CECR2: variants seen among roughly 807,000 people sequenced by gnomAD.
CECR2 encodes the protein chromatin remodeling regulator CECR2.
CECR2 carries 30 observed loss-of-function variants against 154.5 expected under a neutral mutation model. The ratio of observed to expected loss-of-function variants is 0.19; its 90% confidence interval spans 0.15 to 0.26. CECR2 has a LOEUF of 0.26. CECR2 is among the 10% of genes least tolerant of loss of function. The pLI, the probability that CECR2 is intolerant of heterozygous loss-of-function variation, is 1.00. For missense variants in CECR2, 1,743 were observed against 1,829.3 expected (o/e 0.95, Z 0.86); for synonymous variants, 725 against 683.7 (o/e 1.06, Z -0.94).
At chr22:17,411,705 C>T (rs5747111) in intron 1 of CECR2, among the ~76,000 whole-genome samples, 82,490 of 151,952 alleles carry the variant, frequency 0.54, 22,832 homozygotes, top group African/African-American at 0.61. Context: ...TTTAAAACAG[C>T]ACCTTTCTCT....
chr22:17,440,069 TG>T (rs2054561287), intron 1 of CECR2, among the ~76,000 whole-genome samples: 1 of 120,280 alleles, frequency 8.3e-6, no homozygotes, highest in Admixed American at 8.3e-5. Flanking sequence ...ATGATTACAT[TG>T]AAAAAAAAAA....
At chr22:17,514,228 G>A (rs1246557092) in intron 8 of CECR2, among the ~76,000 whole-genome samples, 1 of 152,172 alleles carries the variant, frequency 6.6e-6, no homozygotes, top group Non-Finnish European at 1.5e-5. Flanking sequence ...TTTTTGTCCG[G>A]ACACTTTGGT....
chr22:17,394,622 G>T (rs1293823916), intron 1 of CECR2, among the ~76,000 whole-genome samples: 2 of 152,020 alleles, frequency 1.3e-5, no homozygotes, highest in East Asian at 3.9e-4. Flanking sequence ...TCCTTTTTCA[G>T]GATTATTTTG....
At chr22:17,381,998 C>G (rs1231329216) in intron 1 of CECR2, among the ~76,000 whole-genome samples, 1 of 151,964 alleles carries the variant, frequency 6.6e-6, no homozygotes, top group Non-Finnish European at 1.5e-5. Context: ...CCCCATTCTC[C>G]TGCCTCAGTC....
intron 1 of CECR2, among the ~76,000 whole-genome samples, chr22:17,458,727 GTTA>G (rs1480152471): frequency 1.3e-5 from 2 of 152,204 alleles, no homozygotes; most frequent in African/African-American, 2.4e-5. Flanking sequence ...AAGCTACAGG[GTTA>G]TTATTACCAA....
intron 9 of CECR2, 120 bp downstream of exon 9, chr22:17,524,391 T>A: frequency 5.5e-5 from 47 of 854,568 alleles, no homozygotes; most frequent in African/African-American, 1.4e-4. Context: ...CAATTTCTTT[T>A]TTTTTTTTTT....
chr22:17,456,157 T>C (rs1185314866), intron 1 of CECR2, among the ~76,000 whole-genome samples: 1 of 152,228 alleles, frequency 6.6e-6, no homozygotes. Context: ...TGCAACACAC[T>C]GAATAGTCTA....
At chr22:17,491,137 T>G (rs185209864) in intron 2 of CECR2, among the ~76,000 whole-genome samples, 48 of 152,358 alleles carry the variant, frequency 3.2e-4, no homozygotes, top group Admixed American at 2.9e-3. Context: ...GTACGCAGAT[T>G]TTAGCTTTTG....
At chr22:17,525,963 C>G (rs1156730271) in intron 9 of CECR2, among the ~76,000 whole-genome samples, 1 of 151,978 alleles carries the variant, frequency 6.6e-6, no homozygotes, top group Non-Finnish European at 1.5e-5. Flanking sequence ...AGTGAAAGAG[C>G]TCTATAATGA....
chr22:17,531,357 G>A (rs1425525710), intron 9 of CECR2, among the ~76,000 whole-genome samples: 1 of 152,220 alleles, frequency 6.6e-6, no homozygotes. Context: ...TCCATCCTAG[G>A]ATGAGTTGAA....
At chr22:17,428,955 T>C (rs942259990) in intron 1 of CECR2, among the ~76,000 whole-genome samples, 2 of 152,046 alleles carry the variant, frequency 1.3e-5, no homozygotes, top group East Asian at 3.8e-4. Context: ...GCTTGGTTGA[T>C]GATGGAGATA....
chr22:17,504,950 A>T lies in CECR2; in HGVS notation c.804A>T (p.Glu268Asp). 6.2e-7 allele frequency: 1 copy of T among 1,613,704 alleles called. No homozygotes were observed. Among genetic ancestry groups the T allele is most frequent in the Non-Finnish European group, 8.5e-7 (1 of 1,179,830 alleles). ...TTCGCGAGAGGACCTCCCTTCGAGA[A>T]CGGCAGCTCTACAAGCTCCTCAGTG... ...ESFRERTSLR[E>D]RQLYKLLSED... is the part of the protein sequence containing the mutation. The change falls in exon 7 of 19, where the codon GAA becomes GAT. Residue 268 changes from glutamate to aspartate, a missense_variant. By Grantham distance (45) the Glu-to-Asp change is conservative. Coordinates refer to ENST00000262608, the MANE Select transcript of CECR2 (RefSeq NM_001290047.2).
At chr22:17,431,799 T>G (rs2189077) in intron 1 of CECR2, among the ~76,000 whole-genome samples, 16 of 149,574 alleles carry the variant, frequency 1.1e-4, no homozygotes, top group Admixed American at 4.0e-4. Flanking sequence ...CGCGGCTTAT[T>G]GAGATATTCA....
At position 17,548,397 on chromosome 22, in the gene CECR2, A is replaced by G. The variant is rs1271768236; in HGVS notation, c.3110A>G (p.Gln1037Arg). The G allele has an allele frequency of 1.2e-6, 2 of 1,613,658 alleles. No homozygotes were observed. Among genetic ancestry groups the G allele is most frequent in the Non-Finnish European group, 1.7e-6 (2 of 1,179,772 alleles). Residue 1037 changes from glutamine (Q) to arginine (R), a missense_variant, in exon 17 of 19, where the codon CAA (glutamine) becomes CGA (arginine). By Grantham distance (43) the Gln-to-Arg change is conservative. Around this residue, in one of 4 missense-constraint regions of CECR2, gnomAD observed 1,250 missense variants for 1,192.1 expected, o/e 1.05. Coordinates refer to ENST00000262608, the MANE Select transcript of CECR2 (RefSeq NM_001290047.2). ...SDSSYPGPAAQGCVRDLSTVA... is the reference protein window; with the variant it reads ...SDSSYPGPAARGCVRDLSTVA... Reference sequence around the variant, plus strand: ...AGCAGCTACCCCGGCCCAGCCGCCCAAGGGTGCGTGAGAGACCTCTCCACG... The same window carrying G: ...AGCAGCTACCCCGGCCCAGCCGCCCGAGGGTGCGTGAGAGACCTCTCCACG...
intron 1 of CECR2, among the ~76,000 whole-genome samples, chr22:17,431,222 G>C (rs2054417209): frequency 6.6e-6 from 1 of 152,196 alleles, no homozygotes; most frequent in Non-Finnish European, 1.5e-5. Flanking sequence ...TTACAACTCT[G>C]ATGTATGTAG....
At chr22:17,438,797 G>A (rs1316236741) in intron 1 of CECR2, among the ~76,000 whole-genome samples, 1 of 152,088 alleles carries the variant, frequency 6.6e-6, no homozygotes, top group Non-Finnish European at 1.5e-5. Context: ...ACTTCAGTGT[G>A]TTATTTCTTA....
rs749037630 is a variant in CECR2 at position 17,542,824 on chromosome 22, G to A, written c.2681G>A (p.Arg894His). The A allele has an allele frequency of 1.5e-5, 24 of 1,613,676 alleles. No individual in the cohort carries two copies. Among genetic ancestry groups the A allele is most frequent in the Admixed American group, 3.3e-5 (2 of 59,978 alleles). The change falls in exon 16 of 19, where the codon CGC becomes CAC. Residue 894 changes from arginine to histidine, a missense_variant. Around this residue, in one of 4 missense-constraint regions of CECR2, gnomAD observed 1,250 missense variants for 1,192.1 expected, o/e 1.05. Coordinates refer to ENST00000262608, the MANE Select transcript of CECR2 (RefSeq NM_001290047.2). ...EMIAMQQLSS[R>H]VCPPGVPYHP... ...ATTGCGATGCAGCAGCTCTCCTCCCGCGTCTGCCCCCCAGGTGTGCCTTAC... is the reference window on the plus strand; with the variant it reads ...ATTGCGATGCAGCAGCTCTCCTCCCACGTCTGCCCCCCAGGTGTGCCTTAC...
chr22:17,406,598 A>T (rs1285676407), intron 1 of CECR2, among the ~76,000 whole-genome samples: 1 of 152,224 alleles, frequency 6.6e-6, no homozygotes, highest in Non-Finnish European at 1.5e-5. Context: ...TATCTTATAA[A>T]TGTCAATTCA....
intron 8 of CECR2, among the ~76,000 whole-genome samples, chr22:17,519,939 C>T (rs974207434): frequency 2.6e-5 from 4 of 152,022 alleles, no homozygotes; most frequent in South Asian, 4.2e-4. Flanking sequence ...TACAGGCACA[C>T]ACCACCGTGC....
Sources: allele counts gnomAD v4.1 joint callset (sites outside exome capture counted in the v4.1 genomes callset), GRCh38; gene constraint gnomAD v4.1.1; regional missense constraint gnomAD v4.1.1; transcripts MANE v1.5; gene names NCBI Gene and HGNC (gene_info 2026-07-23, HGNC 2026-07-21).